The following MYO7A variants were observed in gnomAD, a reference collection of about 807,000 sequenced individuals.
The protein encoded by MYO7A is myosin VIIA.
A neutral mutation model predicts 263.8 loss-of-function variants in MYO7A; 210 were observed. The observed-to-expected ratio is 0.80, with a 90% CI of 0.71 to 0.89. The LOEUF is 0.89. Ranked by LOEUF, MYO7A falls within the 40% of genes least tolerant of loss-of-function variation. MYO7A has a pLI of 0.00. For synonymous variants in MYO7A, 1,239 were observed against 1,197.3 expected, an observed-to-expected ratio of 1.03 and a Z score of -0.72; for missense variants, 2,820 against 2,968.3, an observed-to-expected ratio of 0.95 and a Z score of 1.16.
chr11:77,137,362 C>T (rs1239460650), intron 2 of MYO7A, among the ~76,000 whole-genome samples: 2 of 152,280 alleles, frequency 1.3e-5, no homozygotes, highest in African/African-American at 4.8e-5. Context: ...CCCCCGCCCC[C>T]ACTCTCTGCC....
rs1957838349 is a variant in MYO7A at position 77,211,158 on chromosome 11, C to T, written c.6058C>T (p.Pro2020Ser). Residue 2020 changes from proline to serine, a missense_variant, in exon 45 of 49, where the codon CCC becomes TCC. Transcript: ENST00000409709. ...DSIFHYYQEL[P>S]KYLRGYHKCT... Reference sequence around the variant, plus strand: ...CCTGCTCTGTCTCTGACAGGAGTTGCCCAAGTATCTCCGAGGCTACCACAA... The same window carrying T: ...CCTGCTCTGTCTCTGACAGGAGTTGTCCAAGTATCTCCGAGGCTACCACAA... 6.3e-7 allele frequency: 1 copy of T among 1,575,668 alleles called. No homozygotes were observed. The highest frequency in any genetic ancestry group is 1.3e-5 in the African/African-American group (1 of 74,238).
intron 33 of MYO7A, among the ~76,000 whole-genome samples, chr11:77,198,017 G>A (rs546349288): frequency 6.6e-6 from 1 of 152,382 alleles, no homozygotes; most frequent in South Asian, 2.1e-4. Flanking sequence ...GGTGGCCCAG[G>A]GTTCAGACAG....
intron 15 of MYO7A, 23 bp downstream of exon 15, chr11:77,166,185 T>G: frequency 6.2e-7 from 1 of 1,608,300 alleles, no homozygotes; most frequent in South Asian, 1.1e-5. Context: ...CGGTTTCTGT[T>G]GTTCGGGAAG....
chr11:77,152,698 A>G (rs1555057849), intron 4 of MYO7A, among the ~76,000 whole-genome samples: 1 of 152,030 alleles, frequency 6.6e-6, no homozygotes, highest in Admixed American at 6.6e-5. Flanking sequence ...TGTGCCGTGC[A>G]TGGTGCCAGG....
chr11:77,152,568 C>T (rs1212455750), intron 4 of MYO7A, among the ~76,000 whole-genome samples: 11 of 152,020 alleles, frequency 7.2e-5, no homozygotes, highest in Non-Finnish European at 1.0e-4. Flanking sequence ...TATTGATATC[C>T]GGGGCCTGGA....
intron 23 of MYO7A, 35 bp from the exon 24 acceptor site, chr11:77,181,916 C>T (rs368648699): frequency 7.5e-6 from 12 of 1,600,960 alleles, no homozygotes; most frequent in Non-Finnish European, 1.0e-5. Flanking sequence ...TCCTGAGTAG[C>T]TGGGACTCCA....
At chr11:77,155,804 C>G in intron 4 of MYO7A, 103 bp from the exon 5 acceptor site, 2 of 1,299,926 alleles carry the variant, frequency 1.5e-6, no homozygotes, top group Non-Finnish European at 2.1e-6. Flanking sequence ...AAAGCCAGGA[C>G]TCTTCCCTCC....
chr11:77,194,849 G>A (rs982671252), intron 32 of MYO7A, among the ~76,000 whole-genome samples: 8 of 152,098 alleles, frequency 5.3e-5, no homozygotes, highest in African/African-American at 1.9e-4. Flanking sequence ...AGAGCTTTAG[G>A]AATTGTACCT....
chr11:77,129,102 C>T (rs1950689834), intron 1 of MYO7A, among the ~76,000 whole-genome samples: 1 of 152,226 alleles, frequency 6.6e-6, no homozygotes, highest in South Asian at 2.1e-4. Context: ...AAATTTCACG[C>T]CCTCACCACT....
intron 13 of MYO7A, among the ~76,000 whole-genome samples, 175 bp downstream of exon 13, chr11:77,162,505 A>G (rs1258270451): frequency 1.3e-5 from 2 of 152,154 alleles, no homozygotes; most frequent in African/African-American, 4.8e-5. Context: ...CCTACAGTCC[A>G]TGGGGTTCTG....
intron 30 of MYO7A, among the ~76,000 whole-genome samples, chr11:77,191,507 C>T (rs1956065159): frequency 6.6e-6 from 1 of 152,202 alleles, no homozygotes; most frequent in Non-Finnish European, 1.5e-5. Context: ...GGAATTCCCT[C>T]TCAGGTTGCC....
chr11:77,189,487 C>T lies in MYO7A; in HGVS notation c.3630+17C>T. ...TTTGTCAAGGTAGGAAGGTGCCTGG[C>T]CTCCTGGAGTGGGAAGGGGAGCTAG... On this transcript the variant is annotated intron_variant, in intron 28 of 48. Coordinates refer to ENST00000409709, the MANE Select transcript of MYO7A (RefSeq NM_000260.4). The T allele has an allele frequency of 6.2e-7, 1 of 1,613,494 alleles. No homozygotes were observed. Among genetic ancestry groups the T allele is most frequent in the Non-Finnish European group, 8.5e-7 (1 of 1,179,706 alleles).
intron 39 of MYO7A, 127 bp from the exon 40 acceptor site, chr11:77,205,335 G>T: frequency 1.7e-6 from 2 of 1,151,350 alleles, no homozygotes; most frequent in Non-Finnish European, 2.4e-6. Context: ...ATAGGGTAAA[G>T]GTCAGGAGGG....
At position 77,182,560 on chromosome 11, in the gene MYO7A, C is replaced by T. The variant is rs377393431; in HGVS notation, c.3245C>T (p.Thr1082Met). Residue 1082 changes from threonine (T) to methionine (M), a missense_variant, in exon 25 of 49, where the codon ACG becomes ATG. Coordinates refer to ENST00000409709, the MANE Select transcript of MYO7A (RefSeq NM_000260.4). ...ATTTATGAGACCCTGGGCAAGAAGA[C>T]GTACAAGAGGGAGCTGCAGGCCCTG... ...TKIYETLGKK[T>M]YKRELQALQG... 45 of 1,613,166 alleles carry T rather than the reference C, an allele frequency of 2.8e-5. No individual in the cohort carries two copies. Among genetic ancestry groups the T allele is most frequent in the South Asian group, 7.7e-5 (7 of 91,080 alleles).
chr11:77,203,041 G>T lies in MYO7A; in HGVS notation c.5169-19G>T. Reference sequence around the variant, plus strand: ...CTGCCAGCGATGGGGCGTTGCTGACGGTCCCTGTGCTGCGGCAGGCCCCCA... The same window carrying T: ...CTGCCAGCGATGGGGCGTTGCTGACTGTCCCTGTGCTGCGGCAGGCCCCCA... On this transcript the variant is annotated intron_variant, in intron 37 of 48. Coordinates refer to ENST00000409709, the MANE Select transcript of MYO7A (RefSeq NM_000260.4). The T allele has an allele frequency of 6.5e-7, 1 of 1,545,502 alleles. No individual in the cohort carries two copies. Among genetic ancestry groups the T allele is most frequent in the Non-Finnish European group, 8.7e-7 (1 of 1,145,116 alleles).
intron 15 of MYO7A, among the ~76,000 whole-genome samples, chr11:77,166,418 G>A (rs781873651): frequency 2.6e-5 from 4 of 152,200 alleles, no homozygotes; most frequent in Admixed American, 1.3e-4. Flanking sequence ...GAGCAGAACC[G>A]GTCAGGGATC....
intron 4 of MYO7A, 107 bp from the exon 5 acceptor site, chr11:77,155,800 A>T (rs1283462815): frequency 1.6e-6 from 2 of 1,270,574 alleles, no homozygotes; most frequent in Non-Finnish European, 2.1e-6. Context: ...CTCCAAAGCC[A>T]GGACTCTTCC....
In MYO7A at chr11:77,190,811, G is replaced by A. The variant is rs371221562; in HGVS notation, c.3865G>A (p.Asp1289Asn). The A allele has an allele frequency of 2.3e-5, 37 of 1,591,188 alleles. No individual in the cohort carries two copies. Among genetic ancestry groups the A allele is most frequent in the Non-Finnish European group, 2.8e-5 (33 of 1,169,414 alleles). ...CAAGGAGCTCTGCAACGCGCTGGCC[G>A]ACAAGATCTCTCTCAAGGACCGGTT... ...TAKELCNALA[D>N]KISLKDRFGF... Residue 1289 changes from aspartate to asparagine, a missense_variant, in exon 30 of 49, where the codon GAC (aspartate) becomes AAC (asparagine). Transcript: ENST00000409709.
At chr11:77,165,571 G>A (rs1303108729) in intron 14 of MYO7A, among the ~76,000 whole-genome samples, 1 of 152,210 alleles carries the variant, frequency 6.6e-6, no homozygotes, top group Non-Finnish European at 1.5e-5. Context: ...GGGGGCAGAG[G>A]AGGTAATCCC....
Sources: allele counts gnomAD v4.1 joint callset (sites outside exome capture counted in the v4.1 genomes callset), GRCh38; gene constraint gnomAD v4.1.1; transcripts MANE v1.5; gene names NCBI Gene and HGNC (gene_info 2026-07-23, HGNC 2026-07-21).